PALM2AKAP2: variants seen among roughly 807,000 people sequenced by gnomAD.
The protein encoded by PALM2AKAP2 is PALM2 and AKAP2 fusion.
A neutral mutation model predicts 71.5 loss-of-function variants in PALM2AKAP2; 37 were observed. The observed-to-expected ratio is 0.52, with a 90% CI of 0.40 to 0.68. The LOEUF is 0.68. Ranked by LOEUF, PALM2AKAP2 falls within the 30% of genes least tolerant of loss-of-function variation. PALM2AKAP2 has a pLI of 0.00. For missense variants in PALM2AKAP2, 1,224 were observed against 1,191.8 expected (o/e 1.03, Z -0.40); for synonymous variants, 468 against 478.8 (o/e 0.98, Z 0.29).
chr9:109,724,675 A>G (rs2118642625), intron 1 of PALM2AKAP2, among the ~76,000 whole-genome samples: 1 of 152,276 alleles, frequency 6.6e-6, no homozygotes, highest in Middle Eastern at 3.4e-3. Context: ...ATTCTCATAA[A>G]ACCCTCTGAA....
chr9:109,954,566 C>T (rs539055660), intron 6 of PALM2AKAP2, among the ~76,000 whole-genome samples: 10 of 146,806 alleles, frequency 6.8e-5, no homozygotes, highest in Admixed American at 1.4e-4. Flanking sequence ...CTAGATGACG[C>T]GTTAGTGGGT....
In PALM2AKAP2 at chr9:109,671,069, T is replaced by A. The variant is rs999126714; in HGVS notation, c.5+30203T>A. On this transcript the variant is annotated intron_variant, in intron 1 of 6. Transcript: ENST00000374531. ...GCAGAAATTTCTCTGATTCTTTAGG[T>A]TGTCTGTTTACTTTGTTGATAGTTT... Among the ~76,000 whole-genome samples the A allele has an allele frequency of 1.1e-3, 170 of 152,318 alleles. 1 individual carries two copies. Among genetic ancestry groups the A allele is most frequent in the African/African-American group, 3.8e-3 (159 of 41,588 alleles).
chr9:109,650,762 C>G (rs1026356988), intron 1 of PALM2AKAP2, among the ~76,000 whole-genome samples: 1 of 152,122 alleles, frequency 6.6e-6, no homozygotes, highest in East Asian at 1.9e-4. Context: ...ATTTTTCCTT[C>G]TTTTAGTTCA....
At chr9:109,872,213 G>C (rs1269935862) in intron 2 of PALM2AKAP2, among the ~76,000 whole-genome samples, 2 of 151,840 alleles carry the variant, frequency 1.3e-5, no homozygotes, top group African/African-American at 4.8e-5. Flanking sequence ...AATTGTCTTG[G>C]CTTTTTATTT....
chr9:110,171,431 A>G (rs541649655), exon 4 of PALM2AKAP2: 1 of 152,280 alleles, frequency 6.6e-6, no homozygotes, highest in African/African-American at 2.4e-5. Flanking sequence ...TGCCTTCCGG[A>G]TTACTGCTGT....
At chr9:109,672,118 T>G (rs548554369) in intron 1 of PALM2AKAP2, among the ~76,000 whole-genome samples, 1 of 152,256 alleles carries the variant, frequency 6.6e-6, no homozygotes, top group African/African-American at 2.4e-5. Context: ...CTGATTACCC[T>G]GCAGGGACTT....
chr9:109,994,026 T>C (rs1235455534), intron 6 of PALM2AKAP2, among the ~76,000 whole-genome samples: 1 of 152,168 alleles, frequency 6.6e-6, no homozygotes, highest in Non-Finnish European at 1.5e-5. Context: ...ACCTAGCTAC[T>C]GGGCTGGCAA....
chr9:110,114,076 A>C (rs988279864), intron 1 of PALM2AKAP2, among the ~76,000 whole-genome samples: 1 of 152,186 alleles, frequency 6.6e-6, no homozygotes, highest in African/African-American at 2.4e-5. Context: ...AAATTCTCAC[A>C]AATTACGTGG....
chr9:109,806,430 A>G (rs981255906), intron 1 of PALM2AKAP2, among the ~76,000 whole-genome samples: 6 of 152,268 alleles, frequency 3.9e-5, no homozygotes, highest in Non-Finnish European at 5.9e-5. Context: ...GGTAAATACA[A>G]GACAGTCTCT....
At chr9:109,850,915 C>T (rs932795072) in intron 1 of PALM2AKAP2, among the ~76,000 whole-genome samples, 14 of 152,134 alleles carry the variant, frequency 9.2e-5, no homozygotes, top group African/African-American at 3.4e-4. Flanking sequence ...TGGTGGCTCA[C>T]ACCTGTAATC....
At chr9:110,121,189 A>G (rs980893025) in intron 1 of PALM2AKAP2, among the ~76,000 whole-genome samples, 6 of 152,260 alleles carry the variant, frequency 3.9e-5, no homozygotes, top group African/African-American at 1.4e-4. Context: ...CCCACACTTT[A>G]CTCCAATCAG....
intron 1 of PALM2AKAP2, chr9:110,048,913 G>A: frequency 7.0e-7 from 1 of 1,436,582 alleles, no homozygotes; most frequent in Non-Finnish European, 9.1e-7. Context: ...TGAGGAAGGG[G>A]TGGCCGAGGA....
chr9:109,687,310 A>T (rs1827820030), intron 1 of PALM2AKAP2, among the ~76,000 whole-genome samples: 2 of 152,240 alleles, frequency 1.3e-5, no homozygotes, highest in African/African-American at 4.8e-5. Flanking sequence ...TGAAAGTGCT[A>T]GATAACCTCT....
At chr9:109,884,361 T>A (rs757071383) in intron 3 of PALM2AKAP2, among the ~76,000 whole-genome samples, 1 of 152,012 alleles carries the variant, frequency 6.6e-6, no homozygotes, top group East Asian at 1.9e-4. Flanking sequence ...ACTTGGGAGG[T>A]TGAGGCACGA....
At chr9:109,805,182 T>C (rs1194649967) in intron 1 of PALM2AKAP2, among the ~76,000 whole-genome samples, 2 of 152,200 alleles carry the variant, frequency 1.3e-5, no homozygotes, top group Non-Finnish European at 2.9e-5. Flanking sequence ...TAAGGGGTCA[T>C]TGAGACCATC....
intron 1 of PALM2AKAP2, among the ~76,000 whole-genome samples, chr9:109,808,292 A>G (rs1177433865): frequency 6.6e-6 from 1 of 152,234 alleles, no homozygotes; most frequent in Non-Finnish European, 1.5e-5. Context: ...GCTGATAGTG[A>G]TATGGACAAT....
intron 1 of PALM2AKAP2, among the ~76,000 whole-genome samples, chr9:109,643,835 G>C (rs1391995636): frequency 6.6e-6 from 1 of 152,200 alleles, no homozygotes; most frequent in Non-Finnish European, 1.5e-5. Flanking sequence ...AATTTATGAA[G>C]AAAAGAGCTT....
At chr9:109,995,343 G>A (rs1028653493) in intron 6 of PALM2AKAP2, among the ~76,000 whole-genome samples, 1 of 152,196 alleles carries the variant, frequency 6.6e-6, no homozygotes, top group Non-Finnish European at 1.5e-5. Context: ...TGATGGCAGG[G>A]GGTGGGTCTT....
intron 1 of PALM2AKAP2, among the ~76,000 whole-genome samples, chr9:110,061,543 A>G (rs1833965185): frequency 6.6e-6 from 1 of 151,272 alleles, no homozygotes; most frequent in Non-Finnish European, 1.5e-5. Context: ...CCCTATTTCC[A>G]GTGTCATATG....
Sources: gnomAD v4.1 joint callset for allele counts (sites outside exome capture counted in the v4.1 genomes callset) on GRCh38, gnomAD v4.1.1 for gene constraint, MANE v1.5 for transcripts, NCBI Gene and HGNC (gene_info 2026-07-23, HGNC 2026-07-21) for gene names.